The following SCAF11 variants were observed in gnomAD, a reference collection of about 807,000 sequenced individuals.
SCAF11 encodes the protein protein SCAF11.
Under a neutral mutation model 140.5 loss-of-function variants are expected in SCAF11, and 47 were observed. The ratio of observed to expected loss-of-function variants is 0.33; its 90% confidence interval spans 0.26 to 0.43. The LOEUF (loss-of-function observed/expected upper bound fraction) is 0.43. SCAF11 is among the 20% of genes least tolerant of loss of function. SCAF11 has a pLI of 1.00. For synonymous variants in SCAF11, 557 were observed against 579.4 expected, an observed-to-expected ratio of 0.96 and a Z score of 0.55; for missense variants, 1,645 against 1,705.1, an observed-to-expected ratio of 0.96 and a Z score of 0.62.
chr12:45,987,444 T>A (rs1946482290), intron 1 of SCAF11, among the ~76,000 whole-genome samples: 1 of 152,184 alleles, frequency 6.6e-6, no homozygotes, highest in Non-Finnish European at 1.5e-5. Flanking sequence ...GTTCAGGTGT[T>A]TAGGTGACAA....
intron 6 of SCAF11, among the ~76,000 whole-genome samples, chr12:45,936,878 A>G (rs1408435255): frequency 6.6e-6 from 1 of 152,194 alleles, no homozygotes; most frequent in Non-Finnish European, 1.5e-5. Flanking sequence ...TTGATAGGTT[A>G]TAGAATTGTC....
At chr12:45,946,830 G>T (rs1945433823) in intron 5 of SCAF11, among the ~76,000 whole-genome samples, 1 of 152,096 alleles carries the variant, frequency 6.6e-6, no homozygotes, top group South Asian at 2.1e-4. Context: ...TATAAAATTT[G>T]GTCTAATGCA....
At chr12:45,938,544 T>A (rs748222666) in intron 6 of SCAF11, among the ~76,000 whole-genome samples, 1 of 152,000 alleles carries the variant, frequency 6.6e-6, no homozygotes, top group Non-Finnish European at 1.5e-5. Context: ...ATTCCTTTAT[T>A]GTCATTTTAG....
At chr12:45,945,763 G>A (rs1945408415) in intron 5 of SCAF11, among the ~76,000 whole-genome samples, 1 of 151,906 alleles carries the variant, frequency 6.6e-6, no homozygotes, top group Non-Finnish European at 1.5e-5. Flanking sequence ...GAACTCCTGG[G>A]CTCAAGTGAT....
intron 3 of SCAF11, among the ~76,000 whole-genome samples, chr12:45,960,105 A>G (rs1044195003): frequency 9.2e-5 from 14 of 152,190 alleles, no homozygotes; most frequent in Non-Finnish European, 2.9e-5. Flanking sequence ...GCCACTGTCT[A>G]GTAGAGTTAA....
intron 3 of SCAF11, chr12:45,954,935 C>CT (rs1945648465): frequency 8.2e-6 from 1 of 122,474 alleles, no homozygotes; most frequent in South Asian, 3.0e-4. Flanking sequence ...GTAAGATTCC[C>CT]CCCCTTTTTT....
intron 1 of SCAF11, among the ~76,000 whole-genome samples, chr12:45,970,023 G>A (rs575284059): frequency 6.6e-6 from 1 of 152,318 alleles, no homozygotes; most frequent in Non-Finnish European, 1.5e-5. Context: ...AGCCTCCTGA[G>A]TAGCTGGGAT....
intron 1 of SCAF11, chr12:45,974,519 T>C (rs1338814198): frequency 1.0e-5 from 2 of 197,694 alleles, no homozygotes; most frequent in Non-Finnish European, 2.1e-5. Flanking sequence ...ATTTTAACAA[T>C]GTTCACATCT....
intron 6 of SCAF11, 89 bp from the exon 7 acceptor site, chr12:45,934,594 A>G: frequency 1.3e-6 from 1 of 783,402 alleles, no homozygotes. Flanking sequence ...CACATTGGCA[A>G]GGGTTGAAAT....
intron 1 of SCAF11, among the ~76,000 whole-genome samples, chr12:45,981,409 C>T (rs1337432378): frequency 1.3e-5 from 2 of 152,248 alleles, no homozygotes; most frequent in African/African-American, 4.8e-5. Context: ...GATATTAATC[C>T]AAGTCCCTTA....
Position 45,928,480 on chromosome 12 carries a change from A to T in SCAF11, c.1221T>A (p.Asp407Glu). The change falls in exon 11 of 15, where the codon GAT becomes GAA. Residue 407 changes from aspartate (D) to glutamate (E), a missense_variant. By Grantham distance (45) the Asp-to-Glu change is conservative (BLOSUM62 2). Coordinates refer to ENST00000369367, the MANE Select transcript of SCAF11 (RefSeq NM_004719.3). Reference protein sequence around the residue: ...PEKSSSNDSVDEETAESDTSP... With the variant: ...PEKSSSNDSVEEETAESDTSP... ...ATGTGTCAGATTCTGCTGTTTCTTC[A>T]TCTACTGAATCATTGGAAGATGATT... 6.2e-7 allele frequency: 1 copy of T among 1,613,134 alleles called. No individual in the cohort carries two copies. The highest frequency in any genetic ancestry group is 8.5e-7 in the Non-Finnish European group (1 of 1,179,564).
chr12:45,926,349 C>T lies in SCAF11; in HGVS notation c.3352G>A (p.Val1118Met), dbSNP rs1340966773. The T allele has an allele frequency of 6.2e-7, 1 of 1,614,170 alleles. No homozygotes were observed. Among genetic ancestry groups the T allele is most frequent in the East Asian group, 2.2e-5 (1 of 44,894 alleles). The change falls in exon 11 of 15, where the codon GTG (valine) becomes ATG (methionine). Residue 1118 changes from valine (V) to methionine (M), a missense_variant. Physicochemically the swap from Val to Met is conservative, Grantham distance 21 (BLOSUM62 1). Transcript: ENST00000369367. ...NSSGSESFKF[V>M]EQQSYKRKSE... The stretch of plus-strand genomic sequence containing the variant: ...TTTCGCTTATAGGATTGCTGTTCCA[C>T]AAACTTGAAAGATTCACTCCCTGAA...
At chr12:45,991,040 C>G (rs1285703998), upstream of SCAF11, among the ~76,000 whole-genome samples, 1 of 152,242 alleles carries the variant, frequency 6.6e-6, no homozygotes, top group Non-Finnish European at 1.5e-5. Flanking sequence ...TGCTCCTTAT[C>G]TTTATGGTAA....
At chr12:45,961,639 A>T (rs940908223) in intron 3 of SCAF11, 61 bp downstream of exon 3, 14 of 1,357,292 alleles carry the variant, frequency 1.0e-5, no homozygotes. Context: ...GGCAGTATCA[A>T]CTCTTTAGGT....
chr12:45,959,410 A>G (rs1227152397), intron 3 of SCAF11, among the ~76,000 whole-genome samples: 1 of 152,246 alleles, frequency 6.6e-6, no homozygotes, highest in African/African-American at 2.4e-5. Context: ...GCAAATAAAT[A>G]TTAACATAGT....
intron 1 of SCAF11, among the ~76,000 whole-genome samples, chr12:45,976,242 T>C (rs1333061697): frequency 6.6e-6 from 1 of 152,148 alleles, no homozygotes; most frequent in African/African-American, 2.4e-5. Flanking sequence ...TATGTATAAT[T>C]CTTAGAGCTA....
intron 3 of SCAF11, among the ~76,000 whole-genome samples, chr12:45,954,307 C>T (rs940691754): frequency 6.6e-6 from 1 of 152,090 alleles, no homozygotes; most frequent in Non-Finnish European, 1.5e-5. Context: ...TCATGGGTCA[C>T]TAAGGCCTTT....
chr12:45,945,188 A>C, intron 6 of SCAF11, 61 bp downstream of exon 6: 1 of 961,180 alleles, frequency 1.0e-6, no homozygotes, highest in African/African-American at 1.7e-5. Context: ...ACTCTGACAC[A>C]ACCATTAAAT....
At chr12:45,990,006 C>A (rs1171706981) in intron 1 of SCAF11, among the ~76,000 whole-genome samples, 1 of 150,862 alleles carries the variant, frequency 6.6e-6, no homozygotes, top group Non-Finnish European at 1.5e-5. Context: ...TGCACCCGGA[C>A]GGGGACAGGC....
Sources: gnomAD v4.1 joint callset for allele counts (sites outside exome capture counted in the v4.1 genomes callset) on GRCh38, gnomAD v4.1.1 for gene constraint, MANE v1.5 for transcripts, NCBI Gene and HGNC (gene_info 2026-07-23, HGNC 2026-07-21) for gene names.